The following KCNIP3 variants were observed in gnomAD, a reference collection of about 807,000 sequenced individuals.
KCNIP3 encodes potassium voltage-gated channel interacting protein 3, also known as calsenilin.
In KCNIP3, 28 loss-of-function variants were observed where a neutral mutation model predicts 35.0. That is an observed-to-expected ratio of 0.80 (90% CI 0.59 to 1.10). The LOEUF is 1.10. Ranked by LOEUF, KCNIP3 falls within the 50% of genes least tolerant of loss-of-function variation. KCNIP3 has a pLI of 0.00. For missense variants in KCNIP3, 295 were observed against 338.4 expected, an observed-to-expected ratio of 0.87 and a Z score of 1.01; for synonymous variants, 134 against 133.8, an observed-to-expected ratio of 1.00 and a Z score of -0.01.
At chr2:95,332,384 C>T (rs1327650329) in intron 2 of KCNIP3, among the ~76,000 whole-genome samples, 6 of 152,228 alleles carry the variant, frequency 3.9e-5, no homozygotes, top group Non-Finnish European at 8.8e-5. Context: ...GAGGCTGAGG[C>T]GGGTGGATGA....
rs755266605 is a variant in KCNIP3, at chr2:95,382,366, T to A, written c.556-11T>A. ...GCCTTGCAGCAGGCTCATGCCAGCC[T>A]CCCCCTCCAGGAGATGCTGGCCATC... On this transcript the variant is annotated splice_polypyrimidine_tract_variant and intron_variant, in intron 6 of 8. Transcript: ENST00000295225. The surrounding 1 kb of genome is among the most constrained non-coding windows in gnomAD (Gnocchi z 4.5). 6.4e-7 allele frequency: 1 copy of A among 1,551,408 alleles called. No homozygotes were observed. The highest frequency in any genetic ancestry group is 8.7e-7 in the Non-Finnish European group (1 of 1,145,818).
In KCNIP3 at chr2:95,384,340, G is replaced by C. The variant is rs1266396290; in HGVS notation, c.*291G>C. On this transcript the variant is annotated 3_prime_UTR_variant, in exon 9 of 9. Transcript: ENST00000295225. ...GCTGCCTCTGGGTGAGTGGCTGACA[G>C]AGCAGGTCTGCAGGCCACCAGCTGC... 11 of 475,806 alleles carry C rather than the reference G, an allele frequency of 2.3e-5. No homozygotes were observed. Among genetic ancestry groups the C allele is most frequent in the Non-Finnish European group, 3.0e-5 (8 of 263,724 alleles). The allele number at this position is 475,806 out of a possible 1,614,324, so 29.5% of individuals were successfully genotyped here.
chr2:95,310,625 C>A, intron 2 of KCNIP3, 105 bp downstream of exon 2: 2 of 1,233,240 alleles, frequency 1.6e-6, no homozygotes, highest in Non-Finnish European at 2.4e-6. Context: ...CCAGCCTGGG[C>A]TACATCGCCC....
At chr2:95,353,480 C>A (rs1394328730) in intron 2 of KCNIP3, among the ~76,000 whole-genome samples, 4 of 152,188 alleles carry the variant, frequency 2.6e-5, no homozygotes, top group Non-Finnish European at 5.9e-5. Context: ...GGTTTCCCTC[C>A]GTTCCAGCCC....
At chr2:95,342,011 A>G (rs1305357922) in intron 2 of KCNIP3, among the ~76,000 whole-genome samples, 3 of 152,188 alleles carry the variant, frequency 2.0e-5, no homozygotes, top group Non-Finnish European at 2.9e-5. Flanking sequence ...AAGTGACATT[A>G]GAGTGCAGAC....
intron 2 of KCNIP3, among the ~76,000 whole-genome samples, chr2:95,340,688 T>C (rs1679176476): frequency 6.6e-6 from 1 of 152,234 alleles, no homozygotes; most frequent in African/African-American, 2.4e-5. Flanking sequence ...AGAGACGGTT[T>C]CTTCTCCCCT....
chr2:95,357,488 G>A (rs1350737531), intron 2 of KCNIP3, among the ~76,000 whole-genome samples: 1 of 152,182 alleles, frequency 6.6e-6, no homozygotes, highest in Non-Finnish European at 1.5e-5. Flanking sequence ...GCGCCTCTGA[G>A]GAGCTGAGCT....
intron 1 of KCNIP3, among the ~76,000 whole-genome samples, chr2:95,308,266 A>G (rs902415007): frequency 3.7e-4 from 56 of 152,114 alleles, no homozygotes; most frequent in African/African-American, 1.3e-3. Flanking sequence ...TCTGGGCACC[A>G]CTGAGCCCCC....
chr2:95,338,072 G>A (rs1423343788), intron 2 of KCNIP3, among the ~76,000 whole-genome samples: 1 of 152,206 alleles, frequency 6.6e-6, no homozygotes, highest in East Asian at 1.9e-4. Flanking sequence ...GGAGCAGGCA[G>A]ACACCAGGCA....
chr2:95,324,557 A>AAAT, intron 2 of KCNIP3, among the ~76,000 whole-genome samples: 1 of 72,760 alleles, frequency 1.4e-5, no homozygotes, highest in East Asian at 3.4e-4. Flanking sequence ...AATAAATAAA[A>AAAT]ATAACGTGAG....
At chr2:95,352,905 C>T (rs1292521869) in intron 2 of KCNIP3, among the ~76,000 whole-genome samples, 1 of 152,212 alleles carries the variant, frequency 6.6e-6, no homozygotes, top group Non-Finnish European at 1.5e-5. Flanking sequence ...AGCCTGGTCA[C>T]CCTGCAGGAG....
At chr2:95,299,834 A>G (rs1677976065) in intron 1 of KCNIP3, among the ~76,000 whole-genome samples, 1 of 152,234 alleles carries the variant, frequency 6.6e-6, no homozygotes, top group African/African-American at 2.4e-5. Flanking sequence ...CCCTCCAGGT[A>G]GAGCCCAGGA....
At position 95,374,273 on chromosome 2, in the gene KCNIP3, CT is replaced by C. The variant is rs754245534; in HGVS notation, c.182-22del. 6.2e-6 allele frequency: 10 copies of C among 1,611,986 alleles called. No individual in the cohort carries two copies. The South Asian group carries it at 8.8e-5, about 14-fold the overall frequency. ...GGAGCAGGGCTACAGGCCTTACACTCTCTGGTCTGTGTCCCACTCCAGATAG... is the reference window on the plus strand; with the variant it reads ...GGAGCAGGGCTACAGGCCTTACACTCCTGGTCTGTGTCCCACTCCAGATAG... On this transcript the variant is annotated intron_variant, in intron 2 of 8. Coordinates refer to ENST00000295225, the MANE Select transcript of KCNIP3 (RefSeq NM_013434.5).
At chr2:95,345,645 G>A (rs1679332490) in intron 2 of KCNIP3, among the ~76,000 whole-genome samples, 2 of 152,246 alleles carry the variant, frequency 1.3e-5, no homozygotes, top group Non-Finnish European at 1.5e-5. Context: ...GGTGCGGGCC[G>A]TAGCCGCGCT....
Position 95,385,376 on chromosome 2 carries a change from A to G in KCNIP3, c.*1327A>G, listed in dbSNP as rs993610209. ...TCTGGGGATGGAGAATGCCAGCCCA[A>G]AGCTGGAGCCAATGGTGAGGGCTGA... On this transcript the variant is annotated 3_prime_UTR_variant, in exon 9 of 9. Coordinates refer to ENST00000295225, the MANE Select transcript of KCNIP3 (RefSeq NM_013434.5). 1 of 152,770 alleles carries G rather than the reference A, an allele frequency of 6.5e-6. No individual in the cohort carries two copies. The highest frequency in any genetic ancestry group is 1.5e-5 in the Non-Finnish European group (1 of 68,144). 9.5% of individuals were successfully genotyped at this position (152,770 alleles called of 1,614,324 possible).
intron 2 of KCNIP3, among the ~76,000 whole-genome samples, chr2:95,334,034 T>A (rs1678996809): frequency 1.3e-5 from 2 of 152,222 alleles, no homozygotes. Context: ...CAAGACACCC[T>A]TGGGCCCTCG....
Position 95,374,400 on chromosome 2 carries a change from C to G in KCNIP3, c.286C>G (p.Leu96Val). 6.2e-7 allele frequency: 1 copy of G among 1,614,148 alleles called. No individual in the cohort carries two copies. Among genetic ancestry groups the G allele is most frequent in the Non-Finnish European group, 8.5e-7 (1 of 1,179,990 alleles). Residue 96 changes from leucine (L) to valine (V), a missense_variant, in exon 3 of 9, where the codon CTC becomes GTC. Transcript: ENST00000295225. ...TKFTKKELQS[L>V]YRGFKNECPT... ...GTTCACCAAGAAGGAGCTGCAGTCT[C>G]TCTACAGGGGCTTTAAGAATGTGAG...
At chr2:95,305,918 G>T (rs557772445) in intron 1 of KCNIP3, among the ~76,000 whole-genome samples, 2 of 152,328 alleles carry the variant, frequency 1.3e-5, no homozygotes, top group South Asian at 4.1e-4. Flanking sequence ...GTTGCTTCCA[G>T]TATGGGGCCG....
rs1285969113 is a variant in KCNIP3, at chr2:95,377,631, T to C, written c.447+2423T>C. On this transcript the variant is annotated intron_variant, in intron 5 of 8. Transcript: ENST00000295225. This position sits in a 1 kb window ranked among gnomAD's most constrained non-coding sequence, Gnocchi z 4.7. ...CAGAGCATGGAGTTACAACTTGCCATGGTTGCACTGTGTATGGCCAAGGAA... is the reference window on the plus strand; with the variant it reads ...CAGAGCATGGAGTTACAACTTGCCACGGTTGCACTGTGTATGGCCAAGGAA... Among the ~76,000 whole-genome samples, 2 of 152,242 alleles carry C rather than the reference T, an allele frequency of 1.3e-5. No homozygotes were observed. Among genetic ancestry groups the C allele is most frequent in the Admixed American group, 6.5e-5 (1 of 15,284 alleles).
Sources: gnomAD v4.1 joint callset for allele counts (sites outside exome capture counted in the v4.1 genomes callset) on GRCh38, gnomAD v4.1.1 for gene constraint, Gnocchi (gnomAD v3.1) non-coding constraint, MANE v1.5 for transcripts, NCBI Gene and HGNC (gene_info 2026-07-23, HGNC 2026-07-21) for gene names.